PHLPP1: variants seen among roughly 807,000 people sequenced by gnomAD.
PHLPP1 encodes PH domain and leucine rich repeat protein phosphatase 1.
In PHLPP1, 42 loss-of-function variants were observed where a neutral mutation model predicts 117.2. The observed-to-expected ratio is 0.36, with a 90% CI of 0.28 to 0.46. The LOEUF is 0.46. PHLPP1 is among the 20% of genes least tolerant of loss of function. The pLI is 1.00. For missense variants in PHLPP1, 2,084 were observed against 2,241.9 expected (o/e 0.93, Z 1.42); for synonymous variants, 1,042 against 970.7 (o/e 1.07, Z -1.37).
At chr18:62,826,555 G>T (rs979635600) in intron 1 of PHLPP1, among the ~76,000 whole-genome samples, 1 of 152,170 alleles carries the variant, frequency 6.6e-6, no homozygotes, top group Non-Finnish European at 1.5e-5. Context: ...ATTTGGCGCA[G>T]AGAACATTTT....
intron 1 of PHLPP1, among the ~76,000 whole-genome samples, chr18:62,717,938 C>T (rs762677534): frequency 3.9e-5 from 6 of 152,118 alleles, no homozygotes; most frequent in Non-Finnish European, 7.4e-5. Flanking sequence ...TTCTTCCAGC[C>T]TTTATGGTCA....
chr18:62,940,529 T>G (rs1468316110), intron 10 of PHLPP1, among the ~76,000 whole-genome samples: 1 of 151,836 alleles, frequency 6.6e-6, no homozygotes, highest in Non-Finnish European at 1.5e-5. Flanking sequence ...CACACCCGGC[T>G]AATTTTTTGT....
At chr18:62,844,179 A>T (rs1335413742) in intron 3 of PHLPP1, among the ~76,000 whole-genome samples, 2 of 152,050 alleles carry the variant, frequency 1.3e-5, no homozygotes, top group East Asian at 3.9e-4. Context: ...TCTACAAAAA[A>T]TACAAAAATT....
At chr18:62,977,590 A>T (rs1449557558) in intron 16 of PHLPP1, among the ~76,000 whole-genome samples, 1 of 152,192 alleles carries the variant, frequency 6.6e-6, no homozygotes, top group African/African-American at 2.4e-5. Context: ...AGTTGTAAGA[A>T]TTGGCATTTC....
chr18:62,960,960 T>TGTGAGA (rs1367007709), intron 13 of PHLPP1, among the ~76,000 whole-genome samples: 2 of 152,208 alleles, frequency 1.3e-5, no homozygotes, highest in Non-Finnish European at 2.9e-5. Context: ...AGGACTCTTC[T>TGTGAGA]GTGAGATTGA....
chr18:62,826,154 A>G (rs1914607881), intron 1 of PHLPP1: 3 of 312,914 alleles, frequency 9.6e-6, no homozygotes, highest in Middle Eastern at 6.1e-4. Flanking sequence ...ATATTTATTT[A>G]TTTGTTTTTT....
chr18:62,830,052 G>C lies in PHLPP1; in HGVS notation c.1594G>C (p.Gly532Arg), dbSNP rs1239006308. ...RFYAGKPHST[G>R]SSERIQLSGM... ...TATTTCAGGAAAACCTCACAGCACG[G>C]GTAGCTCTGAACGGATTCAGCTCTC... Residue 532 changes from glycine (G) to arginine (R), a missense_variant, in exon 2 of 17, where the codon GGT (glycine) becomes CGT (arginine). Coordinates refer to ENST00000262719, the MANE Select transcript of PHLPP1 (RefSeq NM_194449.4). 1.9e-6 allele frequency: 3 copies of C among 1,610,372 alleles called. No homozygotes were observed. The highest frequency in any genetic ancestry group is 2.5e-6 in the Non-Finnish European group (3 of 1,177,814).
At chr18:62,743,554 T>G (rs1911592847) in intron 1 of PHLPP1, among the ~76,000 whole-genome samples, 1 of 152,164 alleles carries the variant, frequency 6.6e-6, no homozygotes, top group African/African-American at 2.4e-5. Context: ...AGTACTTCAG[T>G]CAAAACGATG....
chr18:62,864,052 G>A (rs1915704959), intron 4 of PHLPP1, among the ~76,000 whole-genome samples: 2 of 150,906 alleles, frequency 1.3e-5, no homozygotes, highest in South Asian at 2.1e-4. Flanking sequence ...ACAGAGTCTC[G>A]CTCCTGTTGC....
Position 62,892,617 on chromosome 18 carries a change from C to T in PHLPP1, c.2067-2394C>T, listed in dbSNP as rs565449733. ...AACAGCCAGGTGCGGTGGCTCACGC[C>T]TGTAATCCCAGCACTTTGAGAGGCT... On this transcript the variant is annotated intron_variant, in intron 4 of 16. Coordinates refer to ENST00000262719, the MANE Select transcript of PHLPP1 (RefSeq NM_194449.4). 8.6e-4 allele frequency among the ~76,000 whole-genome samples: 131 copies of T among 151,886 alleles called. 1 individual carries two copies. Among genetic ancestry groups the T allele is most frequent in the African/African-American group, 3.1e-3 (128 of 41,472 alleles).
chr18:62,939,425 G>A (rs1344655332), intron 10 of PHLPP1, among the ~76,000 whole-genome samples: 3 of 152,140 alleles, frequency 2.0e-5, no homozygotes, highest in Non-Finnish European at 1.5e-5. Flanking sequence ...TTCTTAACAG[G>A]AAATAAGGTG....
chr18:62,742,145 G>A (rs755556159), intron 1 of PHLPP1, among the ~76,000 whole-genome samples: 2 of 152,100 alleles, frequency 1.3e-5, no homozygotes, highest in Admixed American at 6.5e-5. Flanking sequence ...TCAAGGACAG[G>A]TGCCATGACT....
intron 10 of PHLPP1, among the ~76,000 whole-genome samples, chr18:62,938,458 A>G (rs1910036104): frequency 6.6e-6 from 1 of 152,228 alleles, no homozygotes; most frequent in African/African-American, 2.4e-5. Context: ...CTGCTGAAAC[A>G]TTGTGAGGTT....
intron 10 of PHLPP1, among the ~76,000 whole-genome samples, chr18:62,931,249 G>T (rs1909798587): frequency 6.6e-6 from 1 of 151,558 alleles, no homozygotes; most frequent in Non-Finnish European, 1.5e-5. Flanking sequence ...AAACAGTTTG[G>T]TCCTCTGATT....
intron 14 of PHLPP1, among the ~76,000 whole-genome samples, chr18:62,965,053 G>A (rs1471208881): frequency 1.3e-5 from 2 of 152,000 alleles, no homozygotes; most frequent in Non-Finnish European, 2.9e-5. Flanking sequence ...AATGAACAGA[G>A]TCATTGAAAG....
At chr18:62,957,442 T>C (rs1910643729) in intron 12 of PHLPP1, among the ~76,000 whole-genome samples, 1 of 152,072 alleles carries the variant, frequency 6.6e-6, no homozygotes, top group African/African-American at 2.4e-5. Context: ...GGATCCATAC[T>C]TGACTCAGCC....
At chr18:62,928,973 A>T (rs978554678) in intron 10 of PHLPP1, among the ~76,000 whole-genome samples, 3 of 152,162 alleles carry the variant, frequency 2.0e-5, no homozygotes, top group African/African-American at 7.2e-5. Context: ...GATCCAGGGG[A>T]TGTGAGGAAG....
At chr18:62,926,583 A>G (rs1204124615) in intron 10 of PHLPP1, among the ~76,000 whole-genome samples, 7 of 152,098 alleles carry the variant, frequency 4.6e-5, no homozygotes. Context: ...ATGCATTAGG[A>G]CAGGGGTTTT....
intron 3 of PHLPP1, among the ~76,000 whole-genome samples, chr18:62,858,429 A>G (rs370713150): frequency 2.0e-5 from 3 of 151,960 alleles, no homozygotes; most frequent in African/African-American, 7.3e-5. Flanking sequence ...CGCCCAGCTA[A>G]TTTTTGTATT....
Sources: gnomAD v4.1 joint callset for allele counts (sites outside exome capture counted in the v4.1 genomes callset) on GRCh38, gnomAD v4.1.1 for gene constraint, MANE v1.5 for transcripts, NCBI Gene and HGNC (gene_info 2026-07-23, HGNC 2026-07-21) for gene names.